Variants in ERLEC1 observed in about 807,000 individuals in gnomAD.
The protein encoded by ERLEC1 is ER lectin.
ERLEC1 carries 47 observed loss-of-function variants against 68.0 expected under a neutral mutation model. The observed-to-expected ratio is 0.69, with a 90% CI of 0.55 to 0.88. ERLEC1 has a LOEUF of 0.88. ERLEC1 is among the 40% of genes least tolerant of loss of function. ERLEC1 has a pLI of 0.00. For missense variants in ERLEC1, 567 were observed against 583.8 expected (o/e 0.97, Z 0.30); for synonymous variants, 225 against 203.2 (o/e 1.11, Z -0.91).
intron 10 of ERLEC1, among the ~76,000 whole-genome samples, chr2:53,810,454 A>C (rs1287711905): frequency 6.6e-6 from 1 of 152,212 alleles, no homozygotes; most frequent in East Asian, 1.9e-4. Flanking sequence ...TTAAATTCTG[A>C]GGTTCAAGTT....
At chr2:53,804,038 C>T (rs1321436361) in intron 8 of ERLEC1, among the ~76,000 whole-genome samples, 1 of 152,088 alleles carries the variant, frequency 6.6e-6, no homozygotes, top group Non-Finnish European at 1.5e-5. Context: ...GGATGAGGCA[C>T]AAGAATGGCT....
intron 2 of ERLEC1, among the ~76,000 whole-genome samples, chr2:53,794,692 A>C (rs969320644): frequency 6.6e-6 from 1 of 152,080 alleles, no homozygotes; most frequent in Non-Finnish European, 1.5e-5. Context: ...GTCTCACTCT[A>C]TCGCCAGGCT....
At chr2:53,816,412 A>G (rs1047978232) in intron 13 of ERLEC1, among the ~76,000 whole-genome samples, 3 of 151,672 alleles carry the variant, frequency 2.0e-5, no homozygotes, top group African/African-American at 7.3e-5. Flanking sequence ...TATTACAGGC[A>G]TATATGGTAC....
At chr2:53,800,087 G>A (rs1041047182) in intron 6 of ERLEC1, among the ~76,000 whole-genome samples, 5 of 152,078 alleles carry the variant, frequency 3.3e-5, no homozygotes, top group Non-Finnish European at 5.9e-5. Flanking sequence ...GTCATGAATC[G>A]CTTAGCAGTG....
At chr2:53,802,880 C>T (rs2104307866) in intron 8 of ERLEC1, among the ~76,000 whole-genome samples, 1 of 152,280 alleles carries the variant, frequency 6.6e-6, no homozygotes, top group South Asian at 2.1e-4. Context: ...TACAAGCGTG[C>T]ACCACCTCAC....
intron 4 of ERLEC1, 29 bp from the exon 5 acceptor site, chr2:53,797,703 G>C: frequency 6.3e-7 from 1 of 1,584,582 alleles, no homozygotes; most frequent in East Asian, 2.2e-5. Context: ...AAAATACTTA[G>C]TATATTTTTA....
At chr2:53,792,514 A>T (rs1675466180) in intron 1 of ERLEC1, among the ~76,000 whole-genome samples, 1 of 152,184 alleles carries the variant, frequency 6.6e-6, no homozygotes, top group South Asian at 2.1e-4. Context: ...CCTGGGCGTT[A>T]GTGTCTGTTT....
chr2:53,802,700 C>T (rs1018197280), intron 8 of ERLEC1, among the ~76,000 whole-genome samples: 2 of 152,174 alleles, frequency 1.3e-5, no homozygotes, highest in East Asian at 3.8e-4. Flanking sequence ...TCTTTCATCA[C>T]CATTCCCTTC....
At chr2:53,804,025 G>A in intron 8 of ERLEC1, among the ~76,000 whole-genome samples, 1 of 152,144 alleles carries the variant, frequency 6.6e-6, no homozygotes, top group East Asian at 1.9e-4. Flanking sequence ...CAGCTACTCG[G>A]GAGGATGAGG....
At chr2:53,812,480 C>T (rs908774922) in intron 10 of ERLEC1, among the ~76,000 whole-genome samples, 2 of 152,138 alleles carry the variant, frequency 1.3e-5, no homozygotes, top group African/African-American at 2.4e-5. Context: ...ATCAGTATAA[C>T]ATTGCGTAGG....
At position 53,797,691 on chromosome 2, in the gene ERLEC1, G is replaced by T. The variant is rs768897173; in HGVS notation, c.427-41G>T. The T allele has an allele frequency of 1.7e-5, 26 of 1,574,240 alleles. No homozygotes were observed. The South Asian group carries it at 2.7e-4, about 16-fold the overall frequency. ...AAGTTGTATCCTTAAAAATGTCTTT[G>T]CAAAATACTTAGTATATTTTTATTT... On this transcript the variant is annotated intron_variant, in intron 4 of 13. Coordinates refer to ENST00000185150, the MANE Select transcript of ERLEC1 (RefSeq NM_015701.5).
chr2:53,804,870 T>C (rs1252614197), intron 8 of ERLEC1, among the ~76,000 whole-genome samples: 1 of 152,150 alleles, frequency 6.6e-6, no homozygotes, highest in East Asian at 1.9e-4. Flanking sequence ...TCAATTGTTT[T>C]GATTTTTAGA....
chr2:53,798,020 C>A (rs1286564784), intron 5 of ERLEC1, among the ~76,000 whole-genome samples: 1 of 152,026 alleles, frequency 6.6e-6, no homozygotes, highest in Non-Finnish European at 1.5e-5. Context: ...CACGGTGAAA[C>A]CCCGTCTCTA....
chr2:53,800,307 G>C (rs1048923673), intron 6 of ERLEC1, among the ~76,000 whole-genome samples: 64 of 152,080 alleles, frequency 4.2e-4, no homozygotes, highest in Middle Eastern at 3.2e-3. Context: ...TCTGATATAT[G>C]CTCCATTACA....
intron 5 of ERLEC1, among the ~76,000 whole-genome samples, chr2:53,798,712 T>C (rs942749154): frequency 6.6e-6 from 1 of 151,750 alleles, no homozygotes; most frequent in Non-Finnish European, 1.5e-5. Flanking sequence ...GAAATAGATA[T>C]ATCTCTCAAA....
At chr2:53,788,466 G>C (rs960385634) in intron 1 of ERLEC1, 1 of 152,060 alleles carries the variant, frequency 6.6e-6, no homozygotes, top group Non-Finnish European at 1.5e-5. Flanking sequence ...GCAGTGGTAC[G>C]GTCACCACTG....
In ERLEC1 at chr2:53,797,769, T is replaced by C; in HGVS notation, c.464T>C (p.Leu155Ser). The change falls in exon 5 of 14, where the codon TTG becomes TCG. Residue 155 changes from leucine (L) to serine (S), a missense_variant. By Grantham distance (145) the Leu-to-Ser change is moderately radical. Transcript: ENST00000185150. ...CACGAGTACTACCTTGGGAATATGT[T>C]GGCCAAGAACCTTCTATTTGAAAAA... Reference protein sequence around the residue: ...NIHEYYLGNMLAKNLLFEKER... With the variant: ...NIHEYYLGNMSAKNLLFEKER... The C allele has an allele frequency of 6.2e-7, 1 of 1,613,020 alleles. No homozygotes were observed. The highest frequency in any genetic ancestry group is 8.5e-7 in the Non-Finnish European group (1 of 1,179,446).
intron 8 of ERLEC1, 104 bp from the exon 9 acceptor site, chr2:53,808,195 A>G (rs774303845): frequency 6.3e-6 from 8 of 1,260,152 alleles, no homozygotes; most frequent in Non-Finnish European, 8.7e-6. Flanking sequence ...TGGACAATTT[A>G]TTTTTCAAAT....
At position 53,818,204 on chromosome 2, in the gene ERLEC1, T is replaced by G. The variant is rs1488689314; in HGVS notation, c.*235T>G. ...GTTGTGTCTTATAAACTGACTGTTT[T>G]TCTTTGCTTGGATACTGTGATTCCA... On this transcript the variant is annotated 3_prime_UTR_variant, in exon 14 of 14. Coordinates refer to ENST00000185150, the MANE Select transcript of ERLEC1 (RefSeq NM_015701.5). 3 of 331,858 alleles carry G rather than the reference T, an allele frequency of 9.0e-6. No individual in the cohort carries two copies. The Admixed American group carries it at 1.3e-4, about 14-fold the overall frequency. 20.6% of individuals were successfully genotyped at this position (331,858 alleles called of 1,614,324 possible).
Sources: allele counts gnomAD v4.1 joint callset (sites outside exome capture counted in the v4.1 genomes callset), GRCh38; gene constraint gnomAD v4.1.1; transcripts MANE v1.5; gene names NCBI Gene and HGNC (gene_info 2026-07-23, HGNC 2026-07-21).